SPPL2A: variants seen among roughly 807,000 people sequenced by gnomAD.
The protein encoded by SPPL2A is signal peptide peptidase like 2A, also known as signal peptide peptidase-like 2A.
Under a neutral mutation model 63.8 loss-of-function variants are expected in SPPL2A, and 51 were observed. The observed-to-expected ratio is 0.80, with a 90% CI of 0.64 to 1.01. SPPL2A has a LOEUF of 1.01. Ranked by LOEUF, SPPL2A falls within the 50% of genes least tolerant of loss-of-function variation. The pLI, the probability that SPPL2A is intolerant of heterozygous loss-of-function variation, is 0.00. For synonymous variants in SPPL2A, 188 were observed against 205.8 expected (o/e 0.91, Z 0.74); for missense variants, 553 against 622.7 (o/e 0.89, Z 1.19).
rs1480691812 is a variant in SPPL2A at position 50,705,519 on chromosome 15, G to C, written c.*2281C>G. 6.6e-6 allele frequency: 1 copy of C among 152,048 alleles called. No individual in the cohort carries two copies. Among genetic ancestry groups the C allele is most frequent in the Non-Finnish European group, 1.5e-5 (1 of 68,014 alleles). 9.4% of individuals were successfully genotyped at this position (152,048 alleles called of 1,614,324 possible). ...TTTTATTATTATAAATGAAAATACAGAGTTTTAAAACGGCACTTAATCTGT... is the reference window on the plus strand; with the variant it reads ...TTTTATTATTATAAATGAAAATACACAGTTTTAAAACGGCACTTAATCTGT... On this transcript the variant is annotated 3_prime_UTR_variant, in exon 15 of 15. Coordinates refer to ENST00000261854, the MANE Select transcript of SPPL2A (RefSeq NM_032802.4).
Position 50,725,309 on chromosome 15 carries a change from G to C in SPPL2A, c.1161C>G (p.Ile387Met), listed in dbSNP as rs1336827941. The part of the protein sequence containing the change: ...FGNNEKLPVV[I>M]RVPKLIYFSV... Reference sequence around the variant, plus strand: ...AGAAATAGATCAGTTTTGGTACTCTGATGACTACTGGCAACTGTTCAAAAA... The same window carrying C: ...AGAAATAGATCAGTTTTGGTACTCTCATGACTACTGGCAACTGTTCAAAAA... Residue 387 changes from isoleucine (I) to methionine (M), a missense_variant, in exon 12 of 15, where the codon ATC becomes ATG. Coordinates refer to ENST00000261854, the MANE Select transcript of SPPL2A (RefSeq NM_032802.4). 6.3e-7 allele frequency: 1 copy of C among 1,582,194 alleles called. No individual in the cohort carries two copies. Among genetic ancestry groups the C allele is most frequent in the East Asian group, 2.2e-5 (1 of 44,634 alleles).
intron 1 of SPPL2A, among the ~76,000 whole-genome samples, chr15:50,758,532 G>C (rs1175021913): frequency 4.6e-5 from 7 of 151,684 alleles, no homozygotes; most frequent in African/African-American, 7.3e-5. Flanking sequence ...GTTTCACCAT[G>C]TTGGCCAGGA....
intron 4 of SPPL2A, 93 bp downstream of exon 4, chr15:50,748,020 A>G: frequency 3.6e-6 from 2 of 555,916 alleles, no homozygotes; most frequent in Non-Finnish European, 5.8e-6. Flanking sequence ...TAGCAAATGG[A>G]GCAAATATAA....
chr15:50,724,661 G>A (rs2062672514), intron 12 of SPPL2A, among the ~76,000 whole-genome samples: 2 of 152,030 alleles, frequency 1.3e-5, no homozygotes, highest in African/African-American at 4.8e-5. Flanking sequence ...AATTATTAAT[G>A]GGCTTGGATT....
In SPPL2A at chr15:50,706,422, G is replaced by C. The variant is rs1277603184; in HGVS notation, c.*1378C>G. ...AAAAAAAAAAAAAAAAGAAAACTGA[G>C]ATACAAGGTCTTGAGATGCGGCAAA... On this transcript the variant is annotated 3_prime_UTR_variant, in exon 15 of 15. Transcript: ENST00000261854. The C allele has an allele frequency of 4.9e-5, 7 of 143,276 alleles. No homozygotes were observed. The highest frequency in any genetic ancestry group is 1.1e-4 in the Non-Finnish European group (7 of 64,958). 8.9% of individuals were successfully genotyped at this position (143,276 alleles called of 1,614,324 possible).
intron 1 of SPPL2A, among the ~76,000 whole-genome samples, chr15:50,757,163 A>G (rs1458659922): frequency 4.1e-5 from 6 of 146,402 alleles, no homozygotes; most frequent in Admixed American, 1.4e-4. Flanking sequence ...GCTCACTGCA[A>G]GCTCCGCCTC....
At chr15:50,755,544 C>A (rs541924022) in intron 1 of SPPL2A, among the ~76,000 whole-genome samples, 19 of 136,312 alleles carry the variant, frequency 1.4e-4, no homozygotes, top group African/African-American at 5.0e-4. Context: ...TTGCTTGAGG[C>A]TTGGAGGTTG....
At chr15:50,732,530 G>A (rs1596385366) in intron 9 of SPPL2A, 73 bp downstream of exon 9, 1 of 889,524 alleles carries the variant, frequency 1.1e-6, no homozygotes, top group Non-Finnish European at 1.7e-6. Flanking sequence ...TTTAATTGTA[G>A]GTAAATTATG....
At chr15:50,749,845 C>T in intron 1 of SPPL2A, 99 bp from the exon 2 acceptor site, 1 of 731,256 alleles carries the variant, frequency 1.4e-6, no homozygotes, top group Non-Finnish European at 2.5e-6. Flanking sequence ...GATCACATTT[C>T]CTTGAGAGGG....
intron 14 of SPPL2A, among the ~76,000 whole-genome samples, chr15:50,712,083 T>C (rs958216651): frequency 1.3e-5 from 2 of 152,196 alleles, no homozygotes; most frequent in African/African-American, 4.8e-5. Context: ...AGAGGTGCAC[T>C]GCATAAAGAC....
chr15:50,749,959 A>T (rs1242379868), intron 1 of SPPL2A: 2 of 564,400 alleles, frequency 3.5e-6, no homozygotes, highest in Admixed American at 6.4e-5. Flanking sequence ...TTTAAGGAAG[A>T]TAGGTCACTT....
intron 1 of SPPL2A, among the ~76,000 whole-genome samples, chr15:50,752,505 G>T (rs964839420): frequency 6.6e-6 from 1 of 152,064 alleles, no homozygotes; most frequent in African/African-American, 2.4e-5. Context: ...ACCACCTGAG[G>T]TCAGGAGTTT....
chr15:50,760,910 G>T (rs1277022741), intron 1 of SPPL2A, among the ~76,000 whole-genome samples: 1 of 152,078 alleles, frequency 6.6e-6, no homozygotes, highest in African/African-American at 2.4e-5. Flanking sequence ...TGGGGATCCT[G>T]ATTATCATTT....
At position 50,702,855 on chromosome 15, in the gene SPPL2A, T is replaced by C. The variant is rs1402033877; in HGVS notation, c.*4945A>G. ...AATATGGAAAGATTAAACGAGGACA[T>C]TTATACTTATGATCTTCACTATAAT... On this transcript the variant is annotated 3_prime_UTR_variant, in exon 15 of 15. Transcript: ENST00000261854. The C allele has an allele frequency of 1.3e-5, 2 of 152,098 alleles. No homozygotes were observed. Among genetic ancestry groups the C allele is most frequent in the Non-Finnish European group, 2.9e-5 (2 of 68,046 alleles). The allele number at this position is 152,098 out of a possible 1,614,324, so 9.4% of individuals were successfully genotyped here. A position where few individuals can be genotyped will look rare whatever the true frequency, so the allele number is the denominator to read the frequency against.
chr15:50,703,692 A>T lies in SPPL2A; in HGVS notation c.*4108T>A, dbSNP rs2062492534. 1 of 151,938 alleles carries T rather than the reference A, an allele frequency of 6.6e-6. No homozygotes were observed. The highest frequency in any genetic ancestry group is 2.4e-5 in the African/African-American group (1 of 41,370). 9.4% of individuals were successfully genotyped at this position (151,938 alleles called of 1,614,324 possible). A position where few individuals can be genotyped will look rare whatever the true frequency, so the allele number is the denominator to read the frequency against. On this transcript the variant is annotated 3_prime_UTR_variant, in exon 15 of 15. Transcript: ENST00000261854. ...CAAATATTTTTTATTCAAATGTAAAATATGTCTATAACTCAAAGGATAAAT... is the reference window on the plus strand; with the variant it reads ...CAAATATTTTTTATTCAAATGTAAATTATGTCTATAACTCAAAGGATAAAT...
intron 9 of SPPL2A, among the ~76,000 whole-genome samples, chr15:50,731,443 G>A (rs897965460): frequency 2.0e-5 from 3 of 152,006 alleles, no homozygotes; most frequent in Non-Finnish European, 4.4e-5. Context: ...CTACTCAGGA[G>A]GCTGAGGCAG....
At chr15:50,732,333 G>A (rs78246662) in intron 9 of SPPL2A, among the ~76,000 whole-genome samples, 5 of 150,790 alleles carry the variant, frequency 3.3e-5, no homozygotes, top group African/African-American at 2.4e-5. Context: ...ATAAAAGAAA[G>A]AAAAAAAAAC....
At chr15:50,750,260 T>C (rs968104248) in intron 1 of SPPL2A, among the ~76,000 whole-genome samples, 7 of 152,144 alleles carry the variant, frequency 4.6e-5, no homozygotes, top group African/African-American at 1.4e-4. Context: ...CGTGTTACCA[T>C]GCCCAGCTAA....
chr15:50,729,910 A>T (rs2141033507), intron 10 of SPPL2A, among the ~76,000 whole-genome samples: 1 of 151,400 alleles, frequency 6.6e-6, no homozygotes, highest in Admixed American at 6.6e-5. Flanking sequence ...CCAACGTGGG[A>T]GGACTCCTGG....
Sources: allele counts gnomAD v4.1 joint callset (sites outside exome capture counted in the v4.1 genomes callset), GRCh38; gene constraint gnomAD v4.1.1; transcripts MANE v1.5; gene names NCBI Gene and HGNC (gene_info 2026-07-23, HGNC 2026-07-21).